Variants in ACYP2 observed in about 807,000 individuals in gnomAD.
ACYP2 encodes the protein acylphosphatase-2.
In ACYP2, 12 loss-of-function variants were observed where a neutral mutation model predicts 11.2. That is an observed-to-expected ratio of 1.08 (90% CI 0.69 to 1.74). ACYP2 has a LOEUF of 1.74. Among genes scored for constraint, ACYP2 ranks in the 40% most tolerant of loss-of-function variants. ACYP2 has a pLI of 0.00. For synonymous variants in ACYP2, 43 were observed against 32.2 expected (o/e 1.33, Z -1.13); for missense variants, 134 against 101.9 (o/e 1.31, Z -1.35).
At chr2:54,078,037 T>C (rs1677438984) in intron 4 of ACYP2, among the ~76,000 whole-genome samples, 1 of 151,850 alleles carries the variant, frequency 6.6e-6, no homozygotes, top group East Asian at 1.9e-4. Context: ...TGGCACTGTC[T>C]CTGCTCACTG....
chr2:54,037,688 G>A (rs1341903960), intron 2 of ACYP2, among the ~76,000 whole-genome samples: 2 of 152,134 alleles, frequency 1.3e-5, no homozygotes, highest in Admixed American at 6.6e-5. Context: ...GATTACAGGG[G>A]TGAGCCATAA....
At chr2:54,059,222 CT>C (rs935732697) in intron 4 of ACYP2, among the ~76,000 whole-genome samples, 2 of 150,382 alleles carry the variant, frequency 1.3e-5, no homozygotes, top group East Asian at 1.9e-4. Flanking sequence ...TTTTCTTTTT[CT>C]TTTTTTTCTT....
chr2:54,245,499 T>TGTAA (rs35351322), intron 6 of ACYP2, among the ~76,000 whole-genome samples: 1 of 152,216 alleles, frequency 6.6e-6, no homozygotes, highest in African/African-American at 2.4e-5. Flanking sequence ...ACCAACAGTG[T>TGTAA]GTAAGTGTTT....
rs916159564 is a variant in ACYP2 at position 54,049,845 on chromosome 2, A to G, written c.63-1113A>G. 9.2e-5 allele frequency among the ~76,000 whole-genome samples: 14 copies of G among 152,006 alleles called. 1 individual carries two copies. Among genetic ancestry groups the G allele is most frequent in the Admixed American group, 7.9e-4 (12 of 15,264 alleles). On this transcript the variant is annotated intron_variant, in intron 2 of 6. Transcript: ENST00000607452. The stretch of plus-strand genomic sequence containing the variant: ...GCAATTCCTTTCTTCCTGGCACTAT[A>G]CTTACTTTTTGCCAAGCTTATCTTG...
At chr2:54,011,341 T>G (rs574619759) in intron 2 of ACYP2, among the ~76,000 whole-genome samples, 7 of 152,214 alleles carry the variant, frequency 4.6e-5, no homozygotes, top group Non-Finnish European at 8.8e-5. Context: ...TATTTTTGAA[T>G]AAAACGTTCT....
In ACYP2 at chr2:54,155,018, G is replaced by A. The variant is rs558703397; in HGVS notation, c.404+16270G>A. 4.6e-5 allele frequency among the ~76,000 whole-genome samples: 7 copies of A among 152,244 alleles called. No homozygotes were observed. The East Asian group carries it at 1.2e-3, about 25-fold the overall frequency. Reference sequence around the variant, plus strand: ...TTGATTTAGTATTGGTAGGTTATATGTGGTAGGATAAATTCTAGGAATATA... The same window carrying A: ...TTGATTTAGTATTGGTAGGTTATATATGGTAGGATAAATTCTAGGAATATA... On this transcript the variant is annotated intron_variant, in intron 6 of 6. Coordinates refer to ENST00000607452, the MANE Select transcript of ACYP2 (RefSeq NM_001320586.2).
intron 6 of ACYP2, among the ~76,000 whole-genome samples, chr2:54,219,450 T>A (rs843752): frequency 6.6e-6 from 1 of 151,806 alleles, no homozygotes; most frequent in Non-Finnish European, 1.5e-5. Context: ...GGTTTGAGGT[T>A]GTTCAAACAA....
chr2:54,184,960 C>T (rs899073929), intron 6 of ACYP2, among the ~76,000 whole-genome samples: 9 of 152,106 alleles, frequency 5.9e-5, no homozygotes, highest in African/African-American at 1.9e-4. Flanking sequence ...AGTTCTCTGC[C>T]TCAGCCTCCC....
At chr2:54,232,136 A>AT (rs1321899546) in intron 6 of ACYP2, among the ~76,000 whole-genome samples, 1 of 152,182 alleles carries the variant, frequency 6.6e-6, no homozygotes, top group East Asian at 1.9e-4. Flanking sequence ...AATAAAGGGA[A>AT]TTTTTTTCAT....
chr2:54,069,048 C>G (rs1676883478), intron 4 of ACYP2, among the ~76,000 whole-genome samples: 1 of 152,082 alleles, frequency 6.6e-6, no homozygotes, highest in African/African-American at 2.4e-5. Flanking sequence ...CCACCTCATC[C>G]TCTTGAGTAG....
intron 2 of ACYP2, among the ~76,000 whole-genome samples, chr2:54,028,022 T>C (rs1674388924): frequency 3.3e-5 from 5 of 151,896 alleles, no homozygotes; most frequent in Admixed American, 3.3e-4. Context: ...TTTGTATTTT[T>C]AGTAGAGATA....
rs74387700 is a variant in ACYP2, at chr2:54,022,731, A to G, written c.63-28227A>G. Among the ~76,000 whole-genome samples, 619 of 152,300 alleles carry G rather than the reference A, an allele frequency of 4.1e-3. 5 individuals are homozygous for G. The highest frequency in any genetic ancestry group is 0.015 in the African/African-American group (605 of 41,566). On this transcript the variant is annotated intron_variant, in intron 2 of 6. Coordinates refer to ENST00000607452, the MANE Select transcript of ACYP2 (RefSeq NM_001320586.2). ...AATTTGAGAAGTGGTAGATGCAGAA[A>G]GGACTCTCTGACCATTCACTGAAGC...
chr2:54,203,853 A>ATTTAT (rs1684956927), intron 6 of ACYP2, among the ~76,000 whole-genome samples: 1 of 151,742 alleles, frequency 6.6e-6, no homozygotes, highest in Non-Finnish European at 1.5e-5. Flanking sequence ...GAATGCTTAT[A>ATTTAT]AATATAAAAT....
At chr2:54,089,896 A>G (rs1572725178) in intron 4 of ACYP2, among the ~76,000 whole-genome samples, 1 of 152,260 alleles carries the variant, frequency 6.6e-6, no homozygotes, top group South Asian at 2.1e-4. Context: ...CTGTAATCCT[A>G]GCACTTTGGG....
chr2:54,121,421 G>A (rs1385590819), intron 4 of ACYP2, among the ~76,000 whole-genome samples: 1 of 152,316 alleles, frequency 6.6e-6, no homozygotes, highest in East Asian at 1.9e-4. Context: ...GGTTTCACTT[G>A]AAGGTCTGGT....
intron 6 of ACYP2, among the ~76,000 whole-genome samples, chr2:54,295,913 G>T (rs186981759): frequency 1.9e-3 from 282 of 152,142 alleles, no homozygotes; most frequent in Non-Finnish European, 2.9e-3. Context: ...GGCACCCACC[G>T]CCATGCCTGG....
intron 6 of ACYP2, among the ~76,000 whole-genome samples, chr2:54,175,082 T>G (rs553556964): frequency 6.6e-6 from 1 of 152,200 alleles, no homozygotes; most frequent in Non-Finnish European, 1.5e-5. Context: ...TTCTATTGAT[T>G]AGAATAGTTT....
chr2:54,080,031 T>C, intron 4 of ACYP2: 1 of 180,180 alleles, frequency 5.6e-6, no homozygotes, highest in South Asian at 1.3e-4. Flanking sequence ...GATGGGAATG[T>C]TCAGCCTTCG....
chr2:54,277,984 TTATG>T (rs1688681518), intron 6 of ACYP2, among the ~76,000 whole-genome samples: 1 of 152,130 alleles, frequency 6.6e-6, no homozygotes, highest in African/African-American at 2.4e-5. Context: ...ATTTATTTAT[TTATG>T]TATTTATTTA....
Sources: allele counts gnomAD v4.1 joint callset (sites outside exome capture counted in the v4.1 genomes callset), GRCh38; gene constraint gnomAD v4.1.1; transcripts MANE v1.5; gene names NCBI Gene and HGNC (gene_info 2026-07-23, HGNC 2026-07-21).